Variants in SRPK2 observed in about 807,000 individuals in gnomAD.
The protein encoded by SRPK2 is SFRS protein kinase 2.
Under a neutral mutation model 90.8 loss-of-function variants are expected in SRPK2, and 21 were observed. The observed-to-expected ratio is 0.23, with a 90% CI of 0.16 to 0.33. The LOEUF (loss-of-function observed/expected upper bound fraction) is 0.33. Among genes scored for constraint, SRPK2 ranks in the 10% least tolerant of loss-of-function variants. The pLI is 1.00. For synonymous variants in SRPK2, 288 were observed against 311.1 expected (o/e 0.93, Z 0.78); for missense variants, 620 against 869.0 (o/e 0.71, Z 3.60).
intron 1 of SRPK2, among the ~76,000 whole-genome samples, chr7:105,396,766 G>GAGAA (rs1554535214): frequency 2.7e-4 from 38 of 141,192 alleles, no homozygotes; most frequent in African/African-American, 4.8e-4. Context: ...AGGAAAGAGA[G>GAGAA]AGAAAGAAAG....
rs963839367 is a variant in SRPK2 at position 105,305,234 on chromosome 7, G to C, written c.71+83414C>G. Among the ~76,000 whole-genome samples the C allele has an allele frequency of 1.1e-3, 162 of 152,234 alleles. 1 individual carries two copies. The highest frequency in any genetic ancestry group is 3.7e-3 in the African/African-American group (153 of 41,542). On this transcript the variant is annotated intron_variant, in intron 2 of 15. Coordinates refer to ENST00000393651, the MANE Select transcript of SRPK2 (RefSeq NM_182692.3). ...GCAGGCAGATCACCTGAAGTCAAGA[G>C]TTCAAGGCCAGCCTGACCCACATAG...
intron 2 of SRPK2, among the ~76,000 whole-genome samples, chr7:105,364,694 G>A (rs1437503122): frequency 1.3e-5 from 2 of 152,052 alleles, no homozygotes; most frequent in African/African-American, 2.4e-5. Context: ...GAGCCACCGC[G>A]CCTGGCCGAG....
chr7:105,205,092 C>T (rs144076237), intron 2 of SRPK2, among the ~76,000 whole-genome samples: 3 of 152,146 alleles, frequency 2.0e-5, no homozygotes, highest in Non-Finnish European at 2.9e-5. Context: ...AAGGAGCTGC[C>T]TCAACCACTG....
chr7:105,360,683 G>A (rs1818325063), intron 2 of SRPK2, among the ~76,000 whole-genome samples: 1 of 152,134 alleles, frequency 6.6e-6, no homozygotes, highest in Non-Finnish European at 1.5e-5. Flanking sequence ...TAAGAATGCT[G>A]AATACTGGCC....
At chr7:105,280,381 C>CCACT in intron 2 of SRPK2, among the ~76,000 whole-genome samples, 1 of 151,646 alleles carries the variant, frequency 6.6e-6, no homozygotes, top group Non-Finnish European at 1.5e-5. Flanking sequence ...TGAGATCACA[C>CCACT]CACTGCATGC....
At chr7:105,219,565 A>G (rs1360969736) in intron 2 of SRPK2, among the ~76,000 whole-genome samples, 1 of 152,206 alleles carries the variant, frequency 6.6e-6, no homozygotes, top group Non-Finnish European at 1.5e-5. Flanking sequence ...CTCCCTGTTT[A>G]CTAAGTATGA....
At chr7:105,362,586 T>C (rs554725235) in intron 2 of SRPK2, among the ~76,000 whole-genome samples, 1 of 151,986 alleles carries the variant, frequency 6.6e-6, no homozygotes, top group Non-Finnish European at 1.5e-5. Context: ...GGAACACTTT[T>C]AAACTGTTGG....
intron 2 of SRPK2, among the ~76,000 whole-genome samples, chr7:105,369,188 C>T (rs953348791): frequency 6.6e-6 from 1 of 150,770 alleles, no homozygotes; most frequent in Admixed American, 6.6e-5. Flanking sequence ...ACTCTGTTGC[C>T]CAGGCTGCAG....
chr7:105,131,646 G>T (rs1802019946), intron 13 of SRPK2, among the ~76,000 whole-genome samples: 1 of 152,094 alleles, frequency 6.6e-6, no homozygotes, highest in Admixed American at 6.5e-5. Flanking sequence ...GGCACTATCT[G>T]CTCAACAATG....
chr7:105,194,164 C>T (rs1563065329), intron 3 of SRPK2, among the ~76,000 whole-genome samples: 1 of 152,078 alleles, frequency 6.6e-6, no homozygotes, highest in Non-Finnish European at 1.5e-5. Flanking sequence ...TCCTTCCCTA[C>T]TCCCAAGGTT....
downstream of SRPK2, among the ~76,000 whole-genome samples, chr7:105,115,030 T>C (rs1799547460): frequency 6.6e-6 from 1 of 152,240 alleles, no homozygotes; most frequent in Admixed American, 6.5e-5. Context: ...GGTTTGTCCT[T>C]CTAAGCATTT....
At chr7:105,281,253 C>G (rs1001917648) in intron 2 of SRPK2, among the ~76,000 whole-genome samples, 2 of 151,716 alleles carry the variant, frequency 1.3e-5, no homozygotes, top group Non-Finnish European at 2.9e-5. Flanking sequence ...CTGACCATCA[C>G]GCCCAGCTAA....
intron 7 of SRPK2, among the ~76,000 whole-genome samples, chr7:105,151,932 G>C (rs1032001056): frequency 7.9e-5 from 12 of 151,142 alleles, no homozygotes; most frequent in Non-Finnish European, 1.3e-4. Flanking sequence ...GTTGAGGCAG[G>C]AGAATCACTT....
At chr7:105,178,224 A>C (rs188328842) in intron 3 of SRPK2, among the ~76,000 whole-genome samples, 3 of 152,060 alleles carry the variant, frequency 2.0e-5, no homozygotes, top group African/African-American at 7.2e-5. Flanking sequence ...AATAATAATA[A>C]TACTAAATAT....
intron 3 of SRPK2, among the ~76,000 whole-genome samples, chr7:105,176,425 T>A (rs1445244748): frequency 1.3e-5 from 2 of 152,136 alleles, no homozygotes; most frequent in Non-Finnish European, 2.9e-5. Flanking sequence ...CCATTTCTAG[T>A]CTGCTGTTTT....
At chr7:105,309,684 G>A (rs1811498620) in intron 2 of SRPK2, among the ~76,000 whole-genome samples, 1 of 152,142 alleles carries the variant, frequency 6.6e-6, no homozygotes. Flanking sequence ...TCAGACTATG[G>A]AAACCATAGA....
chr7:105,116,688 CTG>C lies in SRPK2; in HGVS notation c.*1148_*1149del, dbSNP rs1176535211. ...ATTTTAAGGAAATGCATAAACAAAA[CTG>C]TGTGCAACCTGCAAAGGGAAAATCA... On this transcript the variant is annotated 3_prime_UTR_variant, in exon 16 of 16. Coordinates refer to ENST00000393651, the MANE Select transcript of SRPK2 (RefSeq NM_182692.3). The C allele has an allele frequency of 4.1e-4, 62 of 152,734 alleles. No individual in the cohort carries two copies. Among genetic ancestry groups the C allele is most frequent in the African/African-American group, 4.8e-5 (2 of 41,582 alleles). 9.5% of individuals were successfully genotyped at this position (152,734 alleles called of 1,614,324 possible). A position where few individuals can be genotyped will look rare whatever the true frequency, so the allele number is the denominator to read the frequency against.
At chr7:105,136,112 C>T (rs900629377) in intron 11 of SRPK2, among the ~76,000 whole-genome samples, 2 of 152,170 alleles carry the variant, frequency 1.3e-5, no homozygotes, top group Admixed American at 1.3e-4. Flanking sequence ...TTAAGGTTCA[C>T]TGAACAGAAT....
At chr7:105,299,261 A>G (rs1810232735) in intron 2 of SRPK2, among the ~76,000 whole-genome samples, 1 of 152,262 alleles carries the variant, frequency 6.6e-6, no homozygotes, top group Admixed American at 6.5e-5. Context: ...AAGCTTTAAA[A>G]GTTAAAATCT....
Sources: allele counts gnomAD v4.1 joint callset (sites outside exome capture counted in the v4.1 genomes callset), GRCh38; gene constraint gnomAD v4.1.1; transcripts MANE v1.5; gene names NCBI Gene and HGNC (gene_info 2026-07-23, HGNC 2026-07-21).